Variants in CSNK2A1 observed in about 807,000 individuals in gnomAD.
The protein encoded by CSNK2A1 is casein kinase 2 alpha 1, also known as casein kinase II subunit alpha.
A neutral mutation model predicts 62.9 loss-of-function variants in CSNK2A1; 10 were observed. That is an observed-to-expected ratio of 0.16 (90% CI 0.10 to 0.27). The LOEUF is 0.27. CSNK2A1 is among the 10% of genes least tolerant of loss of function. The pLI is 1.00. For synonymous variants in CSNK2A1, 124 were observed against 167.8 expected, an observed-to-expected ratio of 0.74 and a Z score of 2.02; for missense variants, 160 against 492.0, an observed-to-expected ratio of 0.33 and a Z score of 6.38.
rs1370898730 is a variant in CSNK2A1, at chr20:480,684, G to C, written c.*3277C>G. ...TTAAGTGTTTCTTTAACTAGGAAAA[G>C]GCCCTGGGAAGACAGGCTCTCTACT... On this transcript the variant is annotated 3_prime_UTR_variant, in exon 14 of 14. Transcript: ENST00000217244. The C allele has an allele frequency of 1.3e-5, 2 of 152,190 alleles. No homozygotes were observed. The highest frequency in any genetic ancestry group is 4.8e-5 in the African/African-American group (2 of 41,432). 9.4% of individuals were successfully genotyped at this position (152,190 alleles called of 1,614,324 possible). A position where few individuals can be genotyped will look rare whatever the true frequency, so the allele number is the denominator to read the frequency against.
intron 10 of CSNK2A1, 67 bp from the exon 11 acceptor site, chr20:488,845 ATGAT>A: frequency 7.0e-7 from 1 of 1,432,316 alleles, no homozygotes; most frequent in Non-Finnish European, 9.7e-7. Context: ...ACAATTAACA[ATGAT>A]TGAATTTACA....
At chr20:490,864 C>T (rs1342949291) in intron 9 of CSNK2A1, among the ~76,000 whole-genome samples, 2 of 140,748 alleles carry the variant, frequency 1.4e-5, no homozygotes, top group Non-Finnish European at 3.0e-5. Context: ...AATATACATA[C>T]TATTTTGAAT....
At chr20:487,935 CA>C (rs1263236044) in intron 11 of CSNK2A1, 1 of 298,960 alleles carries the variant, frequency 3.3e-6, no homozygotes, top group Non-Finnish European at 6.3e-6. Context: ...AATTGGCCAG[CA>C]AAAGCCTTTG....
chr20:518,713 ATTTTTTTTT>A (rs10534951), intron 2 of CSNK2A1, among the ~76,000 whole-genome samples: 2 of 120,960 alleles, frequency 1.7e-5, no homozygotes, highest in Non-Finnish European at 1.7e-5. Context: ...CGCCCGGCTA[ATTTTTTTTT>A]TTTTTTTTTT....
chr20:524,959 T>A (rs1249487615), intron 2 of CSNK2A1, among the ~76,000 whole-genome samples: 3 of 146,896 alleles, frequency 2.0e-5, no homozygotes, highest in Non-Finnish European at 4.5e-5. Context: ...TACAGAAAAA[T>A]TTAAAAGTTA....
At chr20:518,223 A>C (rs968503845) in intron 2 of CSNK2A1, among the ~76,000 whole-genome samples, 18 of 152,222 alleles carry the variant, frequency 1.2e-4, no homozygotes, top group African/African-American at 4.3e-4. Context: ...GAAGCCTGGA[A>C]AGCCTTTGTT....
At chr20:488,549 T>G (rs180695439) in intron 11 of CSNK2A1, 129 bp downstream of exon 11, 175 of 869,720 alleles carry the variant, frequency 2.0e-4, no homozygotes, top group Non-Finnish European at 2.5e-4. Context: ...TGCAGCATCC[T>G]GTGGCACTGG....
intron 9 of CSNK2A1, among the ~76,000 whole-genome samples, chr20:490,549 G>A (rs1403290548): frequency 5.4e-5 from 8 of 147,622 alleles, no homozygotes; most frequent in Non-Finnish European, 9.0e-5. Context: ...GATTACAAGC[G>A]CCCACCACCG....
rs1194625707 is a variant in CSNK2A1, at chr20:480,665, GTTTC to G, written c.*3292_*3295del. ...TACCACACAGCCTTTTTAGTTAAGT[GTTTC>G]TTTAACTAGGAAAAGGCCCTGGGAA... On this transcript the variant is annotated 3_prime_UTR_variant, in exon 14 of 14. Transcript: ENST00000217244. The G allele has an allele frequency of 2.6e-5, 4 of 152,156 alleles. No homozygotes were observed. Among genetic ancestry groups the G allele is most frequent in the Admixed American group, 1.3e-4 (2 of 15,280 alleles). The allele number at this position is 152,156 out of a possible 1,614,324, so 9.4% of individuals were successfully genotyped here. A position where few individuals can be genotyped will look rare whatever the true frequency, so the allele number is the denominator to read the frequency against.
rs1037341983 is a variant in CSNK2A1 at position 480,938 on chromosome 20, A to G, written c.*3023T>C. 2 of 152,232 alleles carry G rather than the reference A, an allele frequency of 1.3e-5. No homozygotes were observed. Among genetic ancestry groups the G allele is most frequent in the African/African-American group, 4.8e-5 (2 of 41,460 alleles). 9.4% of individuals were successfully genotyped at this position (152,232 alleles called of 1,614,324 possible). A position where few individuals can be genotyped will look rare whatever the true frequency, so the allele number is the denominator to read the frequency against. On this transcript the variant is annotated 3_prime_UTR_variant, in exon 14 of 14. Transcript: ENST00000217244. ...GTAATTAGCCATACCCTGAGGATCT[A>G]CTTTACAAGATATATTCCTCTGACA... is the stretch of plus-strand genomic sequence containing the variant.
intron 1 of CSNK2A1, among the ~76,000 whole-genome samples, chr20:541,527 A>C (rs1017274321): frequency 1.3e-5 from 2 of 152,236 alleles, no homozygotes; most frequent in African/African-American, 4.8e-5. Flanking sequence ...TATGTGACAC[A>C]AAGATGTATG....
chr20:505,309 C>A, intron 3 of CSNK2A1, 80 bp from the exon 4 acceptor site: 1 of 903,650 alleles, frequency 1.1e-6, no homozygotes. Context: ...TTACCAGCAG[C>A]TGTAATAGAA....
At chr20:495,424 A>T (rs960884444) in intron 8 of CSNK2A1, 9 of 337,074 alleles carry the variant, frequency 2.7e-5, no homozygotes, top group Admixed American at 2.0e-4. Context: ...AAATGGAGAG[A>T]AAGTAGTTTC....
intron 1 of CSNK2A1, among the ~76,000 whole-genome samples, chr20:528,738 A>T (rs906307051): frequency 1.3e-5 from 2 of 152,120 alleles, no homozygotes; most frequent in Admixed American, 1.3e-4. Flanking sequence ...CTGGGATTAT[A>T]GGCATGAGCC....
At chr20:489,963 A>T in intron 9 of CSNK2A1, 82 bp from the exon 10 acceptor site, 1 of 972,924 alleles carries the variant, frequency 1.0e-6, no homozygotes, top group Non-Finnish European at 1.3e-6. Flanking sequence ...TTTTAAAATT[A>T]AAAAAAAATC....
rs187845762 is a variant in CSNK2A1 at position 501,886 on chromosome 20, G to T, written c.214-1952C>A. 2.6e-5 allele frequency: 4 copies of T among 152,030 alleles called. 1 individual carries two copies. In the East Asian group the frequency reaches 7.7e-4, roughly 29 times the overall value. The allele number at this position is 152,030 out of a possible 1,614,324, so 9.4% of individuals were successfully genotyped here. A position where few individuals can be genotyped will look rare whatever the true frequency, so the allele number is the denominator to read the frequency against. On this transcript the variant is annotated intron_variant, in intron 4 of 13. Transcript: ENST00000217244. ...ATCAAAATCTTGAGAGGGAAACGGG[G>T]GATTTATTTTTAGATACTTTCCAGG... is the stretch of plus-strand genomic sequence containing the variant.
Position 499,797 on chromosome 20 carries a change from G to A in CSNK2A1, c.315+36C>T. The A allele has an allele frequency of 6.3e-7, 1 of 1,597,776 alleles. No individual in the cohort carries two copies. The highest frequency in any genetic ancestry group is 8.6e-7 in the Non-Finnish European group (1 of 1,167,270). On this transcript the variant is annotated intron_variant, in intron 5 of 13. Coordinates refer to ENST00000217244, the MANE Select transcript of CSNK2A1 (RefSeq NM_177559.3). The surrounding 1 kb of genome is among the most constrained non-coding windows in gnomAD (Gnocchi z 4.2). Reference sequence around the variant, plus strand: ...GTGCTCCAGGTCAAACACCATCTCAGCTCTGGCGGGCCTTGCTAACACCTA... The same window carrying A: ...GTGCTCCAGGTCAAACACCATCTCAACTCTGGCGGGCCTTGCTAACACCTA...
rs986442376 is a variant in CSNK2A1 at position 477,014 on chromosome 20, C to T, written c.*6947G>A. 1 of 153,098 alleles carries T rather than the reference C, an allele frequency of 6.5e-6. No homozygotes were observed. Among genetic ancestry groups the T allele is most frequent in the Non-Finnish European group, 1.5e-5 (1 of 68,834 alleles). The allele number at this position is 153,098 out of a possible 1,614,324, so 9.5% of individuals were successfully genotyped here. On this transcript the variant is annotated 3_prime_UTR_variant, in exon 14 of 14. Coordinates refer to ENST00000217244, the MANE Select transcript of CSNK2A1 (RefSeq NM_177559.3). ...CAAGTGATCCTCCTGCCTCAGCCTC[C>T]AGAGTAGCTAGCACTACAGGCATGT...
chr20:495,665 G>T, intron 8 of CSNK2A1, 54 bp downstream of exon 8: 1 of 1,475,102 alleles, frequency 6.8e-7, no homozygotes. Flanking sequence ...TGTTGAAGAT[G>T]GGCAATTAGC....
Sources: allele counts gnomAD v4.1 joint callset (sites outside exome capture counted in the v4.1 genomes callset), GRCh38; gene constraint gnomAD v4.1.1; non-coding constraint Gnocchi (gnomAD v3.1); transcripts MANE v1.5; gene names NCBI Gene and HGNC (gene_info 2026-07-23, HGNC 2026-07-21).